The following TET1 variants were observed in gnomAD, a reference collection of about 807,000 sequenced individuals.
The protein encoded by TET1 is tet methylcytosine dioxygenase 1.
TET1 carries 13 observed loss-of-function variants against 148.7 expected under a neutral mutation model. The ratio of observed to expected loss-of-function variants is 0.09; its 90% CI spans 0.06 to 0.14. The LOEUF (loss-of-function observed/expected upper bound fraction) is 0.14. Ranked by LOEUF, TET1 falls within the 10% of genes least tolerant of loss-of-function variation. TET1 has a pLI of 1.00. For synonymous variants in TET1, 907 were observed against 937.2 expected (o/e 0.97, Z 0.59); for missense variants, 2,182 against 2,553.8 (o/e 0.85, Z 3.14).
intron 2 of TET1, among the ~76,000 whole-genome samples, chr10:68,581,836 CAA>C (rs35620494): frequency 6.9e-5 from 9 of 129,964 alleles, no homozygotes; most frequent in Admixed American, 7.8e-5. Flanking sequence ...GACCGTGTCT[CAA>C]AAAAAAAAAA....
At position 68,645,181 on chromosome 10, in the gene TET1, G is replaced by A. The variant is rs753171164; in HGVS notation, c.2452G>A (p.Gly818Arg). The change falls in exon 4 of 12, where the codon GGG becomes AGG. Residue 818 changes from glycine to arginine, a missense_variant. Gly to Arg is a moderately radical substitution (Grantham distance 125, BLOSUM62 -2). Transcript: ENST00000373644. ...TGATATGAGTTGTGATCATCTCAAG[G>A]GGAGAAGTAACGTTTTAGTATTCCA... ...ATDMSCDHLKGRSNVLVFQQP... is the reference protein window; with the variant it reads ...ATDMSCDHLKRRSNVLVFQQP... 15 of 1,614,116 alleles carry A rather than the reference G, an allele frequency of 9.3e-6. No individual in the cohort carries two copies. In the South Asian group the frequency reaches 1.6e-4, roughly 18 times the overall value.
At position 68,667,056 on chromosome 10, in the gene TET1, A is replaced by C; in HGVS notation, c.4473A>C (p.Arg1491Ser). ...GCPIAKWVLR[R>S]SSDEEKVLCL... ...TTCTGTTTTTTCAGGTTTTAAGAAGAAGCAGTGATGAAGAAAAAGTTCTTT... is the reference window on the plus strand; with the variant it reads ...TTCTGTTTTTTCAGGTTTTAAGAAGCAGCAGTGATGAAGAAAAAGTTCTTT... Residue 1491 changes from arginine (R) to serine (S), a missense_variant, in exon 7 of 12, where the codon AGA becomes AGC. This residue lies in a region of TET1 where 169 missense variants were observed against 263.7 expected (regional missense o/e 0.64). Coordinates refer to ENST00000373644, the MANE Select transcript of TET1 (RefSeq NM_030625.3). The C allele has an allele frequency of 6.2e-7, 1 of 1,613,736 alleles. No individual in the cohort carries two copies. Among genetic ancestry groups the C allele is most frequent in the South Asian group, 1.1e-5 (1 of 90,980 alleles).
chr10:68,588,318 A>C (rs2053882462), intron 2 of TET1, among the ~76,000 whole-genome samples: 1 of 152,242 alleles, frequency 6.6e-6, no homozygotes, highest in South Asian at 2.1e-4. Context: ...GTATAGCATT[A>C]AGAACTCACA....
chr10:68,643,939 C>A (rs1589106472), intron 3 of TET1, among the ~76,000 whole-genome samples: 1 of 151,946 alleles, frequency 6.6e-6, no homozygotes, highest in Admixed American at 6.6e-5. Flanking sequence ...GAGTCTCACT[C>A]AGTCACCCAG....
chr10:68,667,317 T>G (rs2055208107), intron 7 of TET1, 61 bp downstream of exon 7: 2 of 1,382,844 alleles, frequency 1.4e-6, no homozygotes, highest in East Asian at 2.5e-5. Context: ...TTGGTAAAAT[T>G]GTTAATTAGC....
chr10:68,615,752 A>C (rs1431549011), intron 3 of TET1, among the ~76,000 whole-genome samples: 1 of 152,066 alleles, frequency 6.6e-6, no homozygotes, highest in African/African-American at 2.4e-5. Flanking sequence ...TCTGTCTCCC[A>C]GGTTCAAGCC....
Position 68,645,594 on chromosome 10 carries a change from C to T in TET1, c.2865C>T (p.His955=). Residue 955 remains histidine, a synonymous_variant, in exon 4 of 12, where the codon CAC becomes CAT. Coordinates refer to ENST00000373644, the MANE Select transcript of TET1 (RefSeq NM_030625.3). The stretch of plus-strand genomic sequence containing the variant: ...AGGGAGAGCCACCAAAACTTAATCA[C>T]TGTCCATCTTTGGAAAAACAAAGTT... ...NLQGEPPKLN[H]CPSLEKQSSC... is the part of the protein sequence containing the mutation. 6.2e-7 allele frequency: 1 copy of T among 1,614,178 alleles called. No homozygotes were observed. The highest frequency in any genetic ancestry group is 8.5e-7 in the Non-Finnish European group (1 of 1,180,024).
chr10:68,572,290 C>T lies in TET1; in HGVS notation c.-49C>T, dbSNP rs2053678743. On this transcript the variant is annotated 5_prime_UTR_variant, in exon 2 of 12. Transcript: ENST00000373644. ...CTCAGAAGTGAGACTTTCCAAAGGA[C>T]CAATGACTCTGTTTCCTGCGCCCTT... 3 of 1,480,542 alleles carry T rather than the reference C, an allele frequency of 2.0e-6. No individual in the cohort carries two copies. In the African/African-American group the frequency reaches 4.2e-5, roughly 21 times the overall value. 91.7% of individuals were successfully genotyped at this position (1,480,542 alleles called of 1,614,324 possible). A position where few individuals can be genotyped will look rare whatever the true frequency, so the allele number is the denominator to read the frequency against.
chr10:68,683,769 T>C (rs185025448), intron 10 of TET1, among the ~76,000 whole-genome samples: 15 of 152,326 alleles, frequency 9.8e-5, no homozygotes, highest in African/African-American at 3.6e-4. Flanking sequence ...GTTGAGCATG[T>C]TACTTGATAT....
Position 68,601,111 on chromosome 10 carries a change from G to T in TET1, c.1968+77G>T, listed in dbSNP as rs138244162. ...TATTTTTCTGCACTTGGGTATATTT[G>T]GAGTACAGTATATGTGAATTCTCCC... On this transcript the variant is annotated intron_variant, in intron 3 of 11. Transcript: ENST00000373644. 11 of 1,277,338 alleles carry T rather than the reference G, an allele frequency of 8.6e-6. No homozygotes were observed. The African/African-American group carries it at 1.5e-4, about 17-fold the overall frequency. The allele number at this position is 1,277,338 out of a possible 1,614,324, so 79.1% of individuals were successfully genotyped here.
chr10:68,594,810 C>T (rs2053959140), intron 2 of TET1, among the ~76,000 whole-genome samples: 1 of 151,936 alleles, frequency 6.6e-6, no homozygotes, highest in African/African-American at 2.4e-5. Context: ...GAAACCCTAA[C>T]TCTATTGAAA....
chr10:68,584,037 C>A (rs1564953544), intron 2 of TET1, among the ~76,000 whole-genome samples: 2 of 145,534 alleles, frequency 1.4e-5, no homozygotes, highest in African/African-American at 5.0e-5. Context: ...AATAAAATAT[C>A]TTTTTTTTTT....
intron 3 of TET1, among the ~76,000 whole-genome samples, chr10:68,640,301 T>C (rs1162573375): frequency 1.3e-5 from 2 of 151,644 alleles, no homozygotes; most frequent in African/African-American, 4.8e-5. Flanking sequence ...TCTCACTCTG[T>C]CGCCCAGGCT....
intron 3 of TET1, among the ~76,000 whole-genome samples, chr10:68,631,012 A>C (rs537262330): frequency 6.6e-6 from 1 of 152,134 alleles, no homozygotes; most frequent in South Asian, 2.1e-4. Context: ...CCTTGTCTCT[A>C]CAAAAAATTT....
At chr10:68,593,127 G>A (rs1217719175) in intron 2 of TET1, among the ~76,000 whole-genome samples, 1 of 151,456 alleles carries the variant, frequency 6.6e-6, no homozygotes, top group Non-Finnish European at 1.5e-5. Flanking sequence ...AGCTACTTGG[G>A]AGGCTGAGGC....
chr10:68,646,629 C>A lies in TET1; in HGVS notation c.3900C>A (p.Thr1300=). ...CCAATCAGAAAGCCCATCCTTTGAC[C>A]CAGCCCTCCTCTCCACCTAACCAGT... ...VNANQKAHPL[T]QPSSPPNQCA... Residue 1300 remains threonine, a synonymous_variant, in exon 4 of 12, where the codon ACC becomes ACA. Coordinates refer to ENST00000373644, the MANE Select transcript of TET1 (RefSeq NM_030625.3). 1 of 1,614,062 alleles carries A rather than the reference C, an allele frequency of 6.2e-7. No individual in the cohort carries two copies. The highest frequency in any genetic ancestry group is 8.5e-7 in the Non-Finnish European group (1 of 1,180,014).
chr10:68,684,884 CATTT>C (rs1344805131), intron 10 of TET1, among the ~76,000 whole-genome samples: 2 of 152,100 alleles, frequency 1.3e-5, no homozygotes, highest in Non-Finnish European at 2.9e-5. Flanking sequence ...TTCCAGTAAA[CATTT>C]ATTGATGTGA....
intron 1 of TET1, among the ~76,000 whole-genome samples, chr10:68,571,381 G>A (rs190785888): frequency 2.6e-5 from 4 of 151,710 alleles, no homozygotes; most frequent in Non-Finnish European, 4.4e-5. Flanking sequence ...TCGGCTCACC[G>A]CAATCTCCGC....
intron 11 of TET1, among the ~76,000 whole-genome samples, chr10:68,686,995 C>T (rs1467037064): frequency 6.6e-6 from 1 of 151,678 alleles, no homozygotes; most frequent in Non-Finnish European, 1.5e-5. Flanking sequence ...TCACGCCATT[C>T]TCCTGCCTCA....
Sources: gnomAD v4.1 joint callset for allele counts (sites outside exome capture counted in the v4.1 genomes callset) on GRCh38, gnomAD v4.1.1 for gene constraint, gnomAD v4.1.1 regional missense constraint, MANE v1.5 for transcripts, NCBI Gene and HGNC (gene_info 2026-07-23, HGNC 2026-07-21) for gene names.